AUTS2: variants seen among roughly 807,000 people sequenced by gnomAD.
AUTS2 encodes activator of transcription and developmental regulator AUTS2.
Under a neutral mutation model 112.4 loss-of-function variants are expected in AUTS2, and 17 were observed. The observed-to-expected ratio is 0.15, with a 90% CI of 0.10 to 0.23. The LOEUF is 0.23. AUTS2 is among the 10% of genes least tolerant of loss of function. AUTS2 has a pLI of 1.00. For synonymous variants in AUTS2, 751 were observed against 702.7 expected, an observed-to-expected ratio of 1.07 and a Z score of -1.09; for missense variants, 1,510 against 1,701.6, an observed-to-expected ratio of 0.89 and a Z score of 1.98.
intron 5 of AUTS2, among the ~76,000 whole-genome samples, chr7:70,568,366 G>C (rs771557052): frequency 6.6e-6 from 1 of 152,164 alleles, no homozygotes; most frequent in Non-Finnish European, 1.5e-5. Context: ...GGAGTACCTA[G>C]CTCTTCAGAT....
intron 6 of AUTS2, among the ~76,000 whole-genome samples, chr7:70,736,306 T>A (rs1787779533): frequency 6.6e-6 from 1 of 151,572 alleles, no homozygotes; most frequent in East Asian, 1.9e-4. Context: ...ATAGATCATA[T>A]CAATCACTCC....
At chr7:70,296,577 A>C (rs980250551) in intron 4 of AUTS2, among the ~76,000 whole-genome samples, 1 of 152,174 alleles carries the variant, frequency 6.6e-6, no homozygotes, top group Non-Finnish European at 1.5e-5. Flanking sequence ...GAATTTTTTG[A>C]AAACATGATA....
At chr7:69,644,018 C>A (rs975514045) in intron 1 of AUTS2, among the ~76,000 whole-genome samples, 1 of 152,164 alleles carries the variant, frequency 6.6e-6, no homozygotes, top group Non-Finnish European at 1.5e-5. Flanking sequence ...CATCTACAAG[C>A]CAGGAAGAGA....
intron 2 of AUTS2, among the ~76,000 whole-genome samples, chr7:69,944,014 T>C (rs1448731161): frequency 4.6e-5 from 7 of 152,208 alleles, no homozygotes. Context: ...ACAAAAGTAC[T>C]AGGGACTCTA....
intron 5 of AUTS2, among the ~76,000 whole-genome samples, chr7:70,448,498 T>C (rs1377148269): frequency 6.6e-6 from 1 of 152,200 alleles, no homozygotes; most frequent in Non-Finnish European, 1.5e-5. Context: ...CCCTGCTAGA[T>C]TACCATAGGT....
intron 1 of AUTS2, among the ~76,000 whole-genome samples, chr7:69,804,938 CA>C (rs1790235437): frequency 6.6e-6 from 1 of 152,200 alleles, no homozygotes; most frequent in Admixed American, 6.5e-5. Context: ...TGATTATACC[CA>C]ACTTTAAGAA....
At chr7:70,693,160 C>G (rs1808844723) in intron 5 of AUTS2, among the ~76,000 whole-genome samples, 1 of 152,194 alleles carries the variant, frequency 6.6e-6, no homozygotes, top group Non-Finnish European at 1.5e-5. Flanking sequence ...CAGATGTTTT[C>G]AGAGGGTTTC....
chr7:70,287,489 G>A (rs533245024), intron 4 of AUTS2, among the ~76,000 whole-genome samples: 1 of 152,244 alleles, frequency 6.6e-6, no homozygotes, highest in South Asian at 2.1e-4. Context: ...CAAATTATAG[G>A]GACTAATGAA....
At chr7:69,831,802 C>A in intron 1 of AUTS2, among the ~76,000 whole-genome samples, 1 of 152,110 alleles carries the variant, frequency 6.6e-6, no homozygotes, top group South Asian at 2.1e-4. Flanking sequence ...TAATTCTTCT[C>A]CCTTAGGATA....
Position 70,149,419 on chromosome 7 carries a change from G to T in AUTS2, c.660+14848G>T, listed in dbSNP as rs777801024. Reference sequence around the variant, plus strand: ...CTTAGAAACTGTTGCTTCTAGATATGATGTCAACTTCTTGCATTAGTTTTA... The same window carrying T: ...CTTAGAAACTGTTGCTTCTAGATATTATGTCAACTTCTTGCATTAGTTTTA... On this transcript the variant is annotated intron_variant, in intron 4 of 18. Transcript: ENST00000342771. Among the ~76,000 whole-genome samples, 3 of 152,006 alleles carry T rather than the reference G, an allele frequency of 2.0e-5. 1 individual carries two copies. In the South Asian group the frequency reaches 6.2e-4, roughly 31 times the overall value.
At chr7:69,704,727 C>T (rs1797983227) in intron 1 of AUTS2, among the ~76,000 whole-genome samples, 1 of 152,190 alleles carries the variant, frequency 6.6e-6, no homozygotes, top group Admixed American at 6.5e-5. Context: ...TCTGATTACA[C>T]TATTCAATAC....
intron 5 of AUTS2, among the ~76,000 whole-genome samples, chr7:70,447,516 C>G (rs955189402): frequency 6.6e-6 from 1 of 152,176 alleles, no homozygotes; most frequent in Admixed American, 6.5e-5. Flanking sequence ...ATATTATCCC[C>G]CATTTACAGA....
intron 1 of AUTS2, among the ~76,000 whole-genome samples, chr7:69,881,172 T>C (rs1794025802): frequency 1.3e-5 from 2 of 152,244 alleles, no homozygotes; most frequent in African/African-American, 4.8e-5. Flanking sequence ...GCCACAATGC[T>C]AGGTAATTAC....
chr7:69,849,212 C>G (rs193009470), intron 1 of AUTS2, among the ~76,000 whole-genome samples: 140 of 152,206 alleles, frequency 9.2e-4, no homozygotes, highest in African/African-American at 3.3e-3. Context: ...GTCCAGCTAA[C>G]CAATATTCAA....
At chr7:70,191,204 G>C (rs1809870200) in intron 4 of AUTS2, among the ~76,000 whole-genome samples, 1 of 108,804 alleles carries the variant, frequency 9.2e-6, no homozygotes, top group Non-Finnish European at 1.7e-5. Context: ...AGTCTCCTCT[G>C]TTGCCCAGGC....
intron 4 of AUTS2, among the ~76,000 whole-genome samples, chr7:70,155,524 G>C (rs1444281073): frequency 6.7e-6 from 1 of 149,724 alleles, no homozygotes. Context: ...TGGCACTCTT[G>C]TGCCAGTAAA....
At chr7:70,179,852 C>T (rs997093746) in intron 4 of AUTS2, among the ~76,000 whole-genome samples, 1 of 152,134 alleles carries the variant, frequency 6.6e-6, no homozygotes, top group African/African-American at 2.4e-5. Context: ...GGTATTTTAT[C>T]TCCTACTCTC....
At chr7:69,612,661 G>A (rs931899602) in intron 1 of AUTS2, among the ~76,000 whole-genome samples, 15 of 152,008 alleles carry the variant, frequency 9.9e-5, no homozygotes, top group African/African-American at 2.9e-4. Flanking sequence ...TTCCTATGTT[G>A]CTTAGGCTGG....
intron 1 of AUTS2, among the ~76,000 whole-genome samples, chr7:69,894,584 A>T (rs1794667373): frequency 6.6e-6 from 1 of 152,170 alleles, no homozygotes; most frequent in African/African-American, 2.4e-5. Context: ...AGAGTTAGTA[A>T]GATCTGTTGG....
Sources: allele counts gnomAD v4.1 joint callset (sites outside exome capture counted in the v4.1 genomes callset), GRCh38; gene constraint gnomAD v4.1.1; transcripts MANE v1.5; gene names NCBI Gene and HGNC (gene_info 2026-07-23, HGNC 2026-07-21).